The following LRP1B variants were observed in gnomAD, a reference collection of about 807,000 sequenced individuals.
LRP1B encodes low-density lipoprotein receptor-related protein 1B.
In LRP1B, 217 loss-of-function variants were observed where a neutral mutation model predicts 556.6. The ratio of observed to expected loss-of-function variants is 0.39; its 90% CI spans 0.35 to 0.44. The LOEUF is 0.44. Ranked by LOEUF, LRP1B falls within the 20% of genes least tolerant of loss-of-function variation. The pLI, the probability that LRP1B is intolerant of heterozygous loss-of-function variation, is 1.00. For synonymous variants in LRP1B, 2,047 were observed against 1,865.8 expected, an observed-to-expected ratio of 1.10 and a Z score of -2.50; for missense variants, 5,053 against 5,620.8, an observed-to-expected ratio of 0.90 and a Z score of 3.23.
At chr2:142,116,922 A>G (rs942340232) in intron 1 of LRP1B, among the ~76,000 whole-genome samples, 92 of 152,274 alleles carry the variant, frequency 6.0e-4, no homozygotes, top group African/African-American at 2.1e-3. Flanking sequence ...TCTCATTTGT[A>G]TCTCAGTATG....
At chr2:140,480,854 T>A (rs1558911535) in intron 59 of LRP1B, among the ~76,000 whole-genome samples, 1 of 152,194 alleles carries the variant, frequency 6.6e-6, no homozygotes, top group African/African-American at 2.4e-5. Flanking sequence ...AAAAAACTTT[T>A]ATCATCTGTA....
chr2:142,120,766 G>T (rs1282916791), intron 1 of LRP1B, among the ~76,000 whole-genome samples: 2 of 152,070 alleles, frequency 1.3e-5, no homozygotes, highest in Non-Finnish European at 2.9e-5. Flanking sequence ...ATTCCCTAAA[G>T]AATACTGTGA....
chr2:141,496,988 A>G (rs1251715790), intron 2 of LRP1B, among the ~76,000 whole-genome samples: 8 of 152,036 alleles, frequency 5.3e-5, no homozygotes, highest in Admixed American at 5.3e-4. Context: ...TTTATCAGTC[A>G]CTTCTCAATT....
At chr2:141,216,947 T>A (rs1274623419) in intron 6 of LRP1B, among the ~76,000 whole-genome samples, 1 of 152,140 alleles carries the variant, frequency 6.6e-6, no homozygotes, top group Non-Finnish European at 1.5e-5. Context: ...TTGTCTCAGA[T>A]GAGACTTTAG....
At chr2:141,115,454 T>TG (rs1700864453) in intron 7 of LRP1B, among the ~76,000 whole-genome samples, 1 of 99,608 alleles carries the variant, frequency 1.0e-5, no homozygotes. Context: ...AGGTTTTTGT[T>TG]TTTGTTTTTT....
chr2:141,924,622 C>T (rs534329886), intron 1 of LRP1B, among the ~76,000 whole-genome samples: 31 of 152,272 alleles, frequency 2.0e-4, no homozygotes, highest in African/African-American at 6.7e-4. Context: ...TCAAAACACG[C>T]GCCCTGGCTC....
intron 83 of LRP1B, among the ~76,000 whole-genome samples, chr2:140,302,995 C>T (rs1683898201): frequency 7.8e-6 from 1 of 128,028 alleles, no homozygotes; most frequent in Non-Finnish European, 1.6e-5. Flanking sequence ...GTACCAATTC[C>T]AATTATAAAT....
intron 2 of LRP1B, among the ~76,000 whole-genome samples, chr2:141,661,657 A>T (rs1342792957): frequency 1.3e-5 from 2 of 152,096 alleles, no homozygotes; most frequent in African/African-American, 4.8e-5. Context: ...AAAGAACAAA[A>T]CCTGCAAGAA....
chr2:140,373,602 GATT>G (rs1683090944), intron 68 of LRP1B, among the ~76,000 whole-genome samples: 1 of 152,040 alleles, frequency 6.6e-6, no homozygotes, highest in African/African-American at 2.4e-5. Context: ...TAATAATGAA[GATT>G]ATGAGATAAT....
At chr2:140,574,877 G>A (rs184282916) in intron 43 of LRP1B, among the ~76,000 whole-genome samples, 1 of 152,264 alleles carries the variant, frequency 6.6e-6, no homozygotes, top group African/African-American at 2.4e-5. Context: ...ATTTTTAGGT[G>A]TTAAGTGTAA....
intron 63 of LRP1B, among the ~76,000 whole-genome samples, chr2:140,447,576 T>C (rs1281452653): frequency 6.6e-6 from 1 of 152,176 alleles, no homozygotes; most frequent in African/African-American, 2.4e-5. Context: ...TCTTCTATCC[T>C]GACCACTGAA....
Position 140,510,000 on chromosome 2 carries a change from G to T in LRP1B, c.8326C>A (p.Pro2776Thr), listed in dbSNP as rs147664022. 82 of 1,613,830 alleles carry T rather than the reference G, an allele frequency of 5.1e-5. No homozygotes were observed. Among genetic ancestry groups the T allele is most frequent in the Non-Finnish European group, 6.8e-5 (80 of 1,180,030 alleles). ...TCACCATCACAAAGCCAATGTCGGG[G>T]CACGCAGGCACGAGAGCCCTGGCAG... ...FSCQGSRACVPRHWLCDGERD... is the reference protein window; with the variant it reads ...FSCQGSRACVTRHWLCDGERD... The change falls in exon 52 of 91, where the codon CCC becomes ACC. Residue 2776 changes from proline to threonine, a missense_variant. Pro to Thr is a conservative substitution (Grantham distance 38). Coordinates refer to ENST00000389484, the MANE Select transcript of LRP1B (RefSeq NM_018557.3).
intron 66 of LRP1B, among the ~76,000 whole-genome samples, chr2:140,389,838 A>G (rs1683937475): frequency 6.6e-6 from 1 of 151,370 alleles, no homozygotes; most frequent in African/African-American, 2.4e-5. Flanking sequence ...GTAAAATTAC[A>G]TGGAAAAGGC....
chr2:141,331,563 G>A (rs1382379078), intron 3 of LRP1B, among the ~76,000 whole-genome samples: 5 of 39,032 alleles, frequency 1.3e-4, no homozygotes, highest in African/African-American at 8.3e-4. Context: ...TTATTTGGGA[G>A]GGAGGGGGAA....
intron 3 of LRP1B, among the ~76,000 whole-genome samples, chr2:141,455,474 C>T (rs989893417): frequency 7.2e-5 from 11 of 151,776 alleles, no homozygotes; most frequent in African/African-American, 1.9e-4. Context: ...TAGCAGACAC[C>T]GCAGAAGATT....
chr2:140,751,054 G>A (rs1369524877), intron 35 of LRP1B, among the ~76,000 whole-genome samples: 6 of 138,392 alleles, frequency 4.3e-5, no homozygotes, highest in East Asian at 4.2e-4. Context: ...GTGCAATGGC[G>A]TGATCTCGGC....
At chr2:140,662,655 A>G (rs1192339232) in intron 41 of LRP1B, among the ~76,000 whole-genome samples, 1 of 152,154 alleles carries the variant, frequency 6.6e-6, no homozygotes. Flanking sequence ...TTGCACAAAT[A>G]GAAAGAATTA....
chr2:141,572,797 C>T (rs186474887), intron 2 of LRP1B, among the ~76,000 whole-genome samples: 296 of 152,202 alleles, frequency 1.9e-3, no homozygotes, highest in African/African-American at 6.8e-3. Context: ...GGTTGCAATC[C>T]TAGTCTCTGA....
chr2:140,488,281 T>A (rs191105766), intron 57 of LRP1B, among the ~76,000 whole-genome samples: 1 of 152,176 alleles, frequency 6.6e-6, no homozygotes, highest in African/African-American at 2.4e-5. Context: ...TCTTCCTGCT[T>A]CAGATGGCCC....
Sources: allele counts gnomAD v4.1 joint callset (sites outside exome capture counted in the v4.1 genomes callset), GRCh38; gene constraint gnomAD v4.1.1; transcripts MANE v1.5; gene names NCBI Gene and HGNC (gene_info 2026-07-23, HGNC 2026-07-21).